Variants in GPR158 observed in about 807,000 individuals in gnomAD.
GPR158 encodes G protein-coupled receptor 158, also known as metabotropic glycine receptor.
In GPR158, 30 loss-of-function variants were observed where a neutral mutation model predicts 78.2. That is an observed-to-expected ratio of 0.38 (90% CI 0.29 to 0.52). GPR158 has a LOEUF of 0.52. GPR158 is among the 20% of genes least tolerant of loss of function. The pLI, the probability that GPR158 is intolerant of heterozygous loss-of-function variation, is 0.83. For missense variants in GPR158, 1,463 were observed against 1,523.5 expected (o/e 0.96, Z 0.66); for synonymous variants, 581 against 591.1 (o/e 0.98, Z 0.25).
At chr10:25,211,123 A>G (rs1438963302) in intron 1 of GPR158, among the ~76,000 whole-genome samples, 1 of 150,668 alleles carries the variant, frequency 6.6e-6, no homozygotes, top group African/African-American at 2.4e-5. Context: ...AGAGGGAGAG[A>G]CTGTCTCAAG....
chr10:25,327,479 A>G (rs1008657709), intron 2 of GPR158, among the ~76,000 whole-genome samples: 28 of 152,340 alleles, frequency 1.8e-4, no homozygotes, highest in African/African-American at 6.7e-4. Flanking sequence ...GGAACCGTTG[A>G]ATTAAATGGT....
chr10:25,461,857 G>C (rs531038250), intron 4 of GPR158, among the ~76,000 whole-genome samples: 124 of 150,492 alleles, frequency 8.2e-4, no homozygotes, highest in Admixed American at 1.5e-3. Flanking sequence ...TCAGCCTCCC[G>C]AGTAGCTAGG....
At position 25,190,517 on chromosome 10, in the gene GPR158, G is replaced by C. The variant is rs183685597; in HGVS notation, c.902+14195G>C. 2.5e-3 allele frequency among the ~76,000 whole-genome samples: 386 copies of C among 152,186 alleles called. 3 individuals are homozygous for C. Among genetic ancestry groups the C allele is most frequent in the South Asian group, 0.011 (54 of 4,816 alleles). On this transcript the variant is annotated intron_variant, in intron 1 of 10. Transcript: ENST00000376351. ...CCGGCTAATTTTTCTATTTTTTGTAGAGATGGGATTTTATCATGTTCCCTA... is the reference window on the plus strand; with the variant it reads ...CCGGCTAATTTTTCTATTTTTTGTACAGATGGGATTTTATCATGTTCCCTA...
intron 7 of GPR158, among the ~76,000 whole-genome samples, chr10:25,584,897 GGCGGCCTGA>G (rs1837246362): frequency 6.6e-6 from 1 of 152,196 alleles, no homozygotes; most frequent in African/African-American, 2.4e-5. Context: ...GTTTTGCTGT[GGCGGCCTGA>G]GCATTCAACT....
chr10:25,449,594 A>G (rs1249886460), intron 4 of GPR158, among the ~76,000 whole-genome samples: 1 of 152,196 alleles, frequency 6.6e-6, no homozygotes, highest in African/African-American at 2.4e-5. Flanking sequence ...TACCAGGGGT[A>G]GGAGGTGGGT....
At chr10:25,471,885 G>T (rs936355738) in intron 5 of GPR158, among the ~76,000 whole-genome samples, 3 of 152,142 alleles carry the variant, frequency 2.0e-5, no homozygotes, top group African/African-American at 7.2e-5. Context: ...TGAGTAGGTT[G>T]CGAAAATTTT....
chr10:25,280,146 A>T lies in GPR158; in HGVS notation c.1008+58989A>T, dbSNP rs565521756. ...AAAGAATTCACTAATAAACAACGGT[A>T]AAAATGAAGTTGCTTGTTAAAAGAC... On this transcript the variant is annotated intron_variant, in intron 2 of 10. Coordinates refer to ENST00000376351, the MANE Select transcript of GPR158 (RefSeq NM_020752.3). Among the ~76,000 whole-genome samples, 14 of 152,276 alleles carry T rather than the reference A, an allele frequency of 9.2e-5. No individual in the cohort carries two copies. The South Asian group carries it at 2.7e-3, about 29-fold the overall frequency.
At chr10:25,201,253 CT>C (rs922943285) in intron 1 of GPR158, among the ~76,000 whole-genome samples, 1 of 151,852 alleles carries the variant, frequency 6.6e-6, no homozygotes, top group African/African-American at 2.4e-5. Context: ...GTATTTTATT[CT>C]TTTTGTGGGA....
intron 4 of GPR158, among the ~76,000 whole-genome samples, chr10:25,464,786 GTGTC>G (rs1564462605): frequency 6.6e-6 from 1 of 152,068 alleles, no homozygotes; most frequent in Non-Finnish European, 1.5e-5. Flanking sequence ...TTCATTTTTT[GTGTC>G]TTTTTTGGAA....
intron 10 of GPR158, 95 bp from the exon 11 acceptor site, chr10:25,597,677 A>G: frequency 5.2e-6 from 5 of 957,504 alleles, no homozygotes; most frequent in Middle Eastern, 3.3e-4. Flanking sequence ...CCCAAATTAG[A>G]GCCCAAGTTT....
chr10:25,421,951 T>C (rs1027210657), intron 4 of GPR158, among the ~76,000 whole-genome samples: 9 of 152,206 alleles, frequency 5.9e-5, no homozygotes, highest in African/African-American at 2.2e-4. Context: ...TTATTTTGTA[T>C]AATTGCTCAC....
At chr10:25,332,159 T>G (rs1028000893) in intron 2 of GPR158, among the ~76,000 whole-genome samples, 1 of 152,170 alleles carries the variant, frequency 6.6e-6, no homozygotes, top group African/African-American at 2.4e-5. Context: ...CTAGAGATTC[T>G]GATTCAGTAG....
rs545447567 is a variant in GPR158, at chr10:25,186,292, C to G, written c.902+9970C>G. 2.0e-5 allele frequency among the ~76,000 whole-genome samples: 3 copies of G among 152,182 alleles called. No individual in the cohort carries two copies. In the East Asian group the frequency reaches 5.8e-4, roughly 29 times the overall value. On this transcript the variant is annotated intron_variant, in intron 1 of 10. Transcript: ENST00000376351. Reference sequence around the variant, plus strand: ...GCAGGAAAGATCTAAAATTGACACCCTAACATCACAATTAAAAGAACTAGA... The same window carrying G: ...GCAGGAAAGATCTAAAATTGACACCGTAACATCACAATTAAAAGAACTAGA...
chr10:25,592,334 C>G (rs1046327641), intron 8 of GPR158, among the ~76,000 whole-genome samples: 1 of 151,864 alleles, frequency 6.6e-6, no homozygotes, highest in East Asian at 1.9e-4. Flanking sequence ...GCGTTTTTCC[C>G]AGCCTGTTAT....
chr10:25,269,416 T>G (rs137949557), intron 2 of GPR158, among the ~76,000 whole-genome samples: 1 of 152,328 alleles, frequency 6.6e-6, no homozygotes, highest in African/African-American at 2.4e-5. Flanking sequence ...TGTTTGTTAA[T>G]CCTATGTTAG....
chr10:25,306,491 A>G (rs1854677916), intron 2 of GPR158, among the ~76,000 whole-genome samples: 1 of 152,210 alleles, frequency 6.6e-6, no homozygotes, highest in Non-Finnish European at 1.5e-5. Context: ...ATAGAATAAC[A>G]CATTAAGAAA....
chr10:25,361,895 T>C (rs1325546694), intron 2 of GPR158, among the ~76,000 whole-genome samples: 1 of 151,976 alleles, frequency 6.6e-6, no homozygotes, highest in Non-Finnish European at 1.5e-5. Flanking sequence ...TTCATATATA[T>C]GATTTGCAAA....
At chr10:25,186,384 GA>G (rs1852685387) in intron 1 of GPR158, among the ~76,000 whole-genome samples, 1 of 152,124 alleles carries the variant, frequency 6.6e-6, no homozygotes, top group Admixed American at 6.5e-5. Context: ...GAGCAGAACT[GA>G]AGGAGATAGA....
In GPR158 at chr10:25,542,709, G is replaced by T. The variant is rs142871824; in HGVS notation, c.1405-8267G>T. Reference sequence around the variant, plus strand: ...CGTGGTGGTGGGCACCTATAATCCTGGCTACTTGGGAGGCTGAGGCAGGAG... The same window carrying T: ...CGTGGTGGTGGGCACCTATAATCCTTGCTACTTGGGAGGCTGAGGCAGGAG... On this transcript the variant is annotated intron_variant, in intron 5 of 10. Coordinates refer to ENST00000376351, the MANE Select transcript of GPR158 (RefSeq NM_020752.3). Among the ~76,000 whole-genome samples the T allele has an allele frequency of 1.7e-3, 252 of 150,730 alleles. 1 individual carries two copies. The highest frequency in any genetic ancestry group is 6.0e-3 in the African/African-American group (245 of 40,908).
Sources: gnomAD v4.1 joint callset for allele counts (sites outside exome capture counted in the v4.1 genomes callset) on GRCh38, gnomAD v4.1.1 for gene constraint, MANE v1.5 for transcripts, NCBI Gene and HGNC (gene_info 2026-07-23, HGNC 2026-07-21) for gene names.